The following CATSPERE variants were observed in gnomAD, a reference collection of about 807,000 sequenced individuals.
CATSPERE encodes catsper channel auxiliary subunit epsilon, also known as cation channel sperm-associated auxiliary subunit epsilon.
In CATSPERE, 93 loss-of-function variants were observed where a neutral mutation model predicts 114.1. The ratio of observed to expected loss-of-function variants is 0.81; its 90% CI spans 0.69 to 0.97. The LOEUF is 0.97. CATSPERE is among the 50% of genes least tolerant of loss of function. CATSPERE has a pLI of 0.00. For synonymous variants in CATSPERE, 341 were observed against 384.1 expected, an observed-to-expected ratio of 0.89 and a Z score of 1.31; for missense variants, 1,058 against 1,131.6, an observed-to-expected ratio of 0.93 and a Z score of 0.93.
At chr1:244,488,568 T>C (rs1472627085) in intron 5 of CATSPERE, among the ~76,000 whole-genome samples, 1 of 152,268 alleles carries the variant, frequency 6.6e-6, no homozygotes, top group Non-Finnish European at 1.5e-5. Flanking sequence ...GTCACTTTAA[T>C]GTCAGCTGAT....
intron 20 of CATSPERE, among the ~76,000 whole-genome samples, chr1:244,620,122 A>C (rs1398379903): frequency 2.0e-5 from 3 of 152,204 alleles, no homozygotes; most frequent in Non-Finnish European, 4.4e-5. Flanking sequence ...TGTGGCCGAA[A>C]TTCCTTTTGA....
chr1:244,620,718 C>T (rs1310024110), intron 20 of CATSPERE, among the ~76,000 whole-genome samples: 2 of 151,816 alleles, frequency 1.3e-5, no homozygotes, highest in Non-Finnish European at 2.9e-5. Flanking sequence ...AATGCGTGGC[C>T]ACATTGATAG....
intron 20 of CATSPERE, among the ~76,000 whole-genome samples, chr1:244,620,250 CA>C (rs1357394782): frequency 5.3e-5 from 8 of 152,298 alleles, no homozygotes; most frequent in Non-Finnish European, 1.2e-4. Context: ...TGTCCCAGTT[CA>C]AATACTTGAT....
intron 13 of CATSPERE, among the ~76,000 whole-genome samples, chr1:244,586,301 G>C (rs1045218815): frequency 6.6e-6 from 1 of 152,150 alleles, no homozygotes; most frequent in African/African-American, 2.4e-5. Flanking sequence ...GGCTTGGGGT[G>C]ATTTTTTTCA....
chr1:244,555,000 T>G (rs1390269487), intron 9 of CATSPERE, among the ~76,000 whole-genome samples: 2 of 152,108 alleles, frequency 1.3e-5, no homozygotes, highest in Admixed American at 6.6e-5. Flanking sequence ...GCGTGTTACA[T>G]CACATCCACA....
chr1:244,544,721 G>T (rs909399050), intron 8 of CATSPERE, among the ~76,000 whole-genome samples: 1 of 152,224 alleles, frequency 6.6e-6, no homozygotes, highest in Admixed American at 6.5e-5. Context: ...TATCTATGTG[G>T]CTGGTGCAGA....
chr1:244,600,159 A>G (rs1236929557), intron 17 of CATSPERE, among the ~76,000 whole-genome samples: 3 of 152,164 alleles, frequency 2.0e-5, no homozygotes, highest in African/African-American at 7.2e-5. Flanking sequence ...GTACATAACT[A>G]AGCTTGAAAG....
chr1:244,505,088 T>C (rs902366178), intron 7 of CATSPERE, among the ~76,000 whole-genome samples: 4 of 152,248 alleles, frequency 2.6e-5, no homozygotes, highest in Admixed American at 2.6e-4. Context: ...TATTGGGAGC[T>C]CTTTCAGTCA....
chr1:244,596,182 C>G (rs1164098804), intron 17 of CATSPERE, among the ~76,000 whole-genome samples: 1 of 152,196 alleles, frequency 6.6e-6, no homozygotes, highest in Non-Finnish European at 1.5e-5. Flanking sequence ...CCCACCGGCA[C>G]CATGACAGTA....
rs971664735 is a variant in CATSPERE, at chr1:244,573,517, G to A, written c.1950+745G>A. Among the ~76,000 whole-genome samples, 16 of 152,186 alleles carry A rather than the reference G, an allele frequency of 1.1e-4. No individual in the cohort carries two copies. The highest frequency in any genetic ancestry group is 2.2e-4 in the Non-Finnish European group (15 of 68,016). On this transcript the variant is annotated intron_variant, in intron 11 of 21. Transcript: ENST00000366534. The surrounding 1 kb of genome is among the most constrained non-coding windows in gnomAD (Gnocchi z 4.0). ...AGTTCTGCTGGTTTCATCTGGGTTCGTGGATGTGATGTGGGCATCTGCTAA... is the reference window on the plus strand; with the variant it reads ...AGTTCTGCTGGTTTCATCTGGGTTCATGGATGTGATGTGGGCATCTGCTAA...
intron 8 of CATSPERE, among the ~76,000 whole-genome samples, chr1:244,535,758 A>G (rs1234105810): frequency 6.6e-6 from 1 of 151,732 alleles, no homozygotes; most frequent in Non-Finnish European, 1.5e-5. Flanking sequence ...TTGGTACTCT[A>G]CTCCACTGTG....
chr1:244,515,920 A>ATGGTGTC lies in CATSPERE; in HGVS notation c.430-2670_430-2664dup, dbSNP rs528984560. On this transcript the variant is annotated intron_variant, in intron 7 of 21. Transcript: ENST00000366534. Reference sequence around the variant, plus strand: ...GCTATTAAAAATAATAATACCAGGCATGGTGTCTCACACCTATAATCCCAG... The same window carrying ATGGTGTC: ...GCTATTAAAAATAATAATACCAGGCATGGTGTCTGGTGTCTCACACCTATAATCCCAG... Among the ~76,000 whole-genome samples the ATGGTGTC allele has an allele frequency of 7.1e-3, 1,075 of 151,304 alleles. 12 individuals are homozygous for ATGGTGTC. The highest frequency in any genetic ancestry group is 0.024 in the African/African-American group (1,003 of 41,390).
At chr1:244,566,135 T>A (rs994985027) in intron 10 of CATSPERE, among the ~76,000 whole-genome samples, 1 of 152,248 alleles carries the variant, frequency 6.6e-6, no homozygotes, top group Admixed American at 6.5e-5. Flanking sequence ...TAGTTTTGAG[T>A]AAGTTTCTTA....
chr1:244,608,199 A>G (rs1670245492), intron 18 of CATSPERE, among the ~76,000 whole-genome samples: 1 of 152,036 alleles, frequency 6.6e-6, no homozygotes, highest in African/African-American at 2.4e-5. Flanking sequence ...GCACGTAGAG[A>G]CTATCTTGAC....
intron 8 of CATSPERE, among the ~76,000 whole-genome samples, chr1:244,546,601 A>G (rs898314157): frequency 3.9e-5 from 6 of 152,238 alleles, no homozygotes; most frequent in Non-Finnish European, 8.8e-5. Context: ...CAACAAAATG[A>G]GAAAACAATA....
intron 19 of CATSPERE, chr1:244,610,590 G>C (rs763236403): frequency 1.9e-6 from 1 of 524,342 alleles, no homozygotes; most frequent in African/African-American, 1.9e-5. Context: ...TTAAACATGT[G>C]AAAGCATCAA....
At chr1:244,455,829 C>A (rs1316466149) in intron 1 of CATSPERE, among the ~76,000 whole-genome samples, 2 of 151,852 alleles carry the variant, frequency 1.3e-5, no homozygotes, top group African/African-American at 4.8e-5. Flanking sequence ...CATGAAACCC[C>A]AAGAATTAAA....
rs1445071369 is a variant in CATSPERE, at chr1:244,463,894, C to T, written c.66-14C>T. ...ATTAGTTTTAATATTTATACTTGGC[C>T]TCTTCCTCCACAGGTATTCCACTAA... On this transcript the variant is annotated splice_polypyrimidine_tract_variant and intron_variant, in intron 1 of 21. Transcript: ENST00000366534. The T allele has an allele frequency of 3.8e-6, 6 of 1,584,664 alleles. No individual in the cohort carries two copies. The highest frequency in any genetic ancestry group is 5.2e-6 in the Non-Finnish European group (6 of 1,153,618).
Position 244,518,769 on chromosome 1 carries a change from A to G in CATSPERE, c.536+71A>G, listed in dbSNP as rs544634919. The G allele has an allele frequency of 2.5e-5, 20 of 801,228 alleles. No individual in the cohort carries two copies. In the East Asian group the frequency reaches 5.5e-4, roughly 22 times the overall value. 49.6% of individuals were successfully genotyped at this position (801,228 alleles called of 1,614,324 possible). A position where few individuals can be genotyped will look rare whatever the true frequency, so the allele number is the denominator to read the frequency against. On this transcript the variant is annotated intron_variant, in intron 8 of 21. Transcript: ENST00000366534. The stretch of plus-strand genomic sequence containing the variant: ...AACTAGATTTTAAAATCCTAGTGGA[A>G]CTTAATGAAATGTGTCTTATATGTT...
Sources: allele counts gnomAD v4.1 joint callset (sites outside exome capture counted in the v4.1 genomes callset), GRCh38; gene constraint gnomAD v4.1.1; non-coding constraint Gnocchi (gnomAD v3.1); transcripts MANE v1.5; gene names NCBI Gene and HGNC (gene_info 2026-07-23, HGNC 2026-07-21).